LYRM7: variants seen among roughly 807,000 people sequenced by gnomAD.
LYRM7 encodes the protein LYR motif containing 7.
Under a neutral mutation model 15.8 loss-of-function variants are expected in LYRM7, and 9 were observed. That is an observed-to-expected ratio of 0.57 (90% CI 0.34 to 0.99). The LOEUF is 0.99. Among genes scored for constraint, LYRM7 ranks in the 50% least tolerant of loss-of-function variants. LYRM7 has a pLI of 0.02. For synonymous variants in LYRM7, 39 were observed against 39.4 expected, an observed-to-expected ratio of 0.99 and a Z score of 0.04; for missense variants, 115 against 119.1, an observed-to-expected ratio of 0.97 and a Z score of 0.16.
In LYRM7 at chr5:131,176,730, CCTCCCTTTTGGCGT is replaced by C. The variant is rs539663754; in HGVS notation, c.19-3350_19-3337del. ...TCCACCCTCAACCCCTTCCTATCCTCCTCCCTTTTGGCGTCTCCCTTTTGGCGTTCTATCCACAA... is the reference window on the plus strand; with the variant it reads ...TCCACCCTCAACCCCTTCCTATCCTCCTCCCTTTTGGCGTTCTATCCACAA... On this transcript the variant is annotated intron_variant, in intron 1 of 4. Transcript: ENST00000379380. 1.5e-3 allele frequency among the ~76,000 whole-genome samples: 231 copies of C among 152,234 alleles called. 2 individuals are homozygous for C. The highest frequency in any genetic ancestry group is 0.01 in the Middle Eastern group (3 of 294).
intron 1 of LYRM7, among the ~76,000 whole-genome samples, chr5:131,174,220 CATT>C (rs2149658824): frequency 6.6e-6 from 1 of 152,348 alleles, no homozygotes; most frequent in East Asian, 1.9e-4. Flanking sequence ...TTTCTTTGCT[CATT>C]CATGAGAAGC....
At chr5:131,184,210 ACCCACCTCAGCCT>A (rs1490056766) in intron 3 of LYRM7, among the ~76,000 whole-genome samples, 1 of 152,090 alleles carries the variant, frequency 6.6e-6, no homozygotes, top group African/African-American at 2.4e-5. Context: ...CAGGTGATCC[ACCCACCTCAGCCT>A]CCCAAAGTGC....
intron 1 of LYRM7, among the ~76,000 whole-genome samples, chr5:131,177,580 C>T (rs1755621558): frequency 6.6e-6 from 1 of 152,130 alleles, no homozygotes; most frequent in South Asian, 2.1e-4. Flanking sequence ...ATTTAGAAAT[C>T]AGGTACCATT....
intron 4 of LYRM7, among the ~76,000 whole-genome samples, chr5:131,191,732 G>A (rs1580698999): frequency 6.6e-6 from 1 of 152,038 alleles, no homozygotes; most frequent in Non-Finnish European, 1.5e-5. Flanking sequence ...TTGTCAAAAA[G>A]ACAGAAAATA....
rs541798929 is a variant in LYRM7 at position 131,203,981 on chromosome 5, C to G, written c.*4380C>G. ...ATTAAAATGAAACATGTTTGTTCAT[C>G]AAGTTGTCACAAGTTAGACAATCAT... On this transcript the variant is annotated 3_prime_UTR_variant, in exon 5 of 5. Transcript: ENST00000379380. 2 of 152,224 alleles carry G rather than the reference C, an allele frequency of 1.3e-5. No individual in the cohort carries two copies. Among genetic ancestry groups the G allele is most frequent in the African/African-American group, 4.8e-5 (2 of 41,556 alleles). The allele number at this position is 152,224 out of a possible 1,614,324, so 9.4% of individuals were successfully genotyped here.
At chr5:131,190,170 T>A (rs1328645325) in intron 4 of LYRM7, among the ~76,000 whole-genome samples, 1 of 151,644 alleles carries the variant, frequency 6.6e-6, no homozygotes, top group Non-Finnish European at 1.5e-5. Context: ...AAAAAGAAAT[T>A]ATTAGATCTG....
At position 131,201,128 on chromosome 5, in the gene LYRM7, A is replaced by G. The variant is rs955888040; in HGVS notation, c.*1527A>G. ...CAGGAGTTCGAGACCAGCCTGGCCA[A>G]TGTGGTGAAACCCCATCTCTACTAA... On this transcript the variant is annotated 3_prime_UTR_variant, in exon 5 of 5. Transcript: ENST00000379380. 16 of 151,520 alleles carry G rather than the reference A, an allele frequency of 1.1e-4. No individual in the cohort carries two copies. The highest frequency in any genetic ancestry group is 3.9e-4 in the African/African-American group (16 of 41,244). The allele number at this position is 151,520 out of a possible 1,614,324, so 9.4% of individuals were successfully genotyped here. A position where few individuals can be genotyped will look rare whatever the true frequency, so the allele number is the denominator to read the frequency against.
chr5:131,197,864 G>C (rs1755993159), intron 4 of LYRM7, among the ~76,000 whole-genome samples: 1 of 151,378 alleles, frequency 6.6e-6, no homozygotes. Context: ...GTGTGTGTGT[G>C]TGTGTGTGTG....
Position 131,199,532 on chromosome 5 carries a change from A to T in LYRM7, c.246A>T (p.Lys82Asn), listed in dbSNP as rs777411963. The part of the protein sequence containing the change: ...QGIHTDHNTL[K>N]LVPRKDLLVE... The stretch of plus-strand genomic sequence containing the variant: ...TTCTCTTTTTTTTTTTTCTTTCAGA[A>T]CTGGTCCCTAGGAAAGACCTTCTTG... Residue 82 changes from lysine (K) to asparagine (N), a missense_variant and splice_region_variant, in exon 5 of 5, where the codon AAA becomes AAT. By Grantham distance (94) the Lys-to-Asn change is moderately conservative (BLOSUM62 0). Coordinates refer to ENST00000379380, the MANE Select transcript of LYRM7 (RefSeq NM_181705.4). 28 of 1,590,236 alleles carry T rather than the reference A, an allele frequency of 1.8e-5. No homozygotes were observed. The highest frequency in any genetic ancestry group is 3.4e-4 in the Middle Eastern group (2 of 5,826).
chr5:131,174,898 G>A (rs1755574895), intron 1 of LYRM7, among the ~76,000 whole-genome samples: 2 of 152,158 alleles, frequency 1.3e-5, no homozygotes, highest in Non-Finnish European at 2.9e-5. Flanking sequence ...CTGCGGGGCT[G>A]CAAAATGGAT....
chr5:131,195,123 C>A (rs970048404), intron 4 of LYRM7, among the ~76,000 whole-genome samples: 3 of 151,928 alleles, frequency 2.0e-5, no homozygotes, highest in African/African-American at 7.3e-5. Flanking sequence ...TAAAAATTAG[C>A]CAGGCATGGT....
intron 3 of LYRM7, among the ~76,000 whole-genome samples, chr5:131,186,123 A>T (rs1408782588): frequency 6.6e-6 from 1 of 152,216 alleles, no homozygotes; most frequent in East Asian, 1.9e-4. Flanking sequence ...GACCTCACAG[A>T]TCCCTGAAAG....
intron 2 of LYRM7, among the ~76,000 whole-genome samples, chr5:131,181,300 A>T (rs372985574): frequency 0.31 from 3,342 of 10,700 alleles, 554 homozygotes; most frequent in Middle Eastern, 0.5. Flanking sequence ...AAAAAAAAAA[A>T]AAATATATAT....
intron 2 of LYRM7, among the ~76,000 whole-genome samples, chr5:131,181,519 G>A (rs967789942): frequency 2.5e-4 from 35 of 137,844 alleles, no homozygotes; most frequent in African/African-American, 1.0e-3. Context: ...ATAGAAGGAA[G>A]TTTTTATGGT....
intron 1 of LYRM7, among the ~76,000 whole-genome samples, chr5:131,178,579 A>G (rs1217222109): frequency 6.6e-6 from 1 of 152,168 alleles, no homozygotes; most frequent in Non-Finnish European, 1.5e-5. Context: ...CTTTTACCAA[A>G]ATGCCAGGCT....
rs567055698 is a variant in LYRM7, at chr5:131,200,607, G to C, written c.*1006G>C. 1 of 152,284 alleles carries C rather than the reference G, an allele frequency of 6.6e-6. No individual in the cohort carries two copies. The highest frequency in any genetic ancestry group is 2.4e-5 in the African/African-American group (1 of 41,492). 9.4% of individuals were successfully genotyped at this position (152,284 alleles called of 1,614,324 possible). On this transcript the variant is annotated 3_prime_UTR_variant, in exon 5 of 5. Transcript: ENST00000379380. ...ATTCTCTCATTTGATGATGATACAG[G>C]GTTTTTAATTTTTGCAAGATTCTCA...
At position 131,200,741 on chromosome 5, in the gene LYRM7, A is replaced by C. The variant is rs1424278811; in HGVS notation, c.*1140A>C. 1.3e-5 allele frequency: 2 copies of C among 152,334 alleles called. No individual in the cohort carries two copies. Among genetic ancestry groups the C allele is most frequent in the Non-Finnish European group, 2.9e-5 (2 of 68,040 alleles). 9.4% of individuals were successfully genotyped at this position (152,334 alleles called of 1,614,324 possible). On this transcript the variant is annotated 3_prime_UTR_variant, in exon 5 of 5. Transcript: ENST00000379380. ...AATGCTGAATGTCATCGCAGTATAT[A>C]ATCACTATATAAATGTGCTGACTTA... is the stretch of plus-strand genomic sequence containing the variant.
intron 4 of LYRM7, among the ~76,000 whole-genome samples, chr5:131,191,229 G>T (rs1272692580): frequency 1.3e-5 from 2 of 151,352 alleles, no homozygotes; most frequent in Non-Finnish European, 2.9e-5. Context: ...TAAGAAATTT[G>T]ATTCCTTAAT....
intron 1 of LYRM7, among the ~76,000 whole-genome samples, chr5:131,176,411 C>T (rs1397305182): frequency 6.6e-6 from 1 of 152,088 alleles, no homozygotes; most frequent in East Asian, 1.9e-4. Context: ...GTCTTTTTTA[C>T]AGTAGCCATT....
Sources: gnomAD v4.1 joint callset for allele counts (sites outside exome capture counted in the v4.1 genomes callset) on GRCh38, gnomAD v4.1.1 for gene constraint, MANE v1.5 for transcripts, NCBI Gene and HGNC (gene_info 2026-07-23, HGNC 2026-07-21) for gene names.